Variants in DPP10 observed in about 807,000 individuals in gnomAD.
DPP10 encodes dipeptidyl peptidase like 10.
Under a neutral mutation model 120.9 loss-of-function variants are expected in DPP10, and 33 were observed. The observed-to-expected ratio is 0.27, with a 90% CI of 0.21 to 0.37. DPP10 has a LOEUF of 0.37. DPP10 is among the 10% of genes least tolerant of loss of function. DPP10 has a pLI of 1.00. For synonymous variants in DPP10, 337 were observed against 326.1 expected, an observed-to-expected ratio of 1.03 and a Z score of -0.36; for missense variants, 816 against 942.8, an observed-to-expected ratio of 0.87 and a Z score of 1.76.
chr2:114,501,900 G>C (rs961191806), intron 1 of DPP10, among the ~76,000 whole-genome samples: 1 of 148,746 alleles, frequency 6.7e-6, no homozygotes, highest in African/African-American at 2.5e-5. Flanking sequence ...GTGAGGATAC[G>C]ATTTATATGA....
chr2:115,808,759 G>A (rs945000571), intron 19 of DPP10, among the ~76,000 whole-genome samples: 2 of 152,176 alleles, frequency 1.3e-5, no homozygotes, highest in African/African-American at 4.8e-5. Context: ...AATGGACAAA[G>A]TCTGAGAATA....
chr2:115,497,638 A>AG (rs1558758707), intron 3 of DPP10, among the ~76,000 whole-genome samples: 1 of 151,466 alleles, frequency 6.6e-6, no homozygotes, highest in East Asian at 2.0e-4. Context: ...ATCACAATCA[A>AG]GAAGTGGGCC....
chr2:115,626,170 A>G (rs943893512), intron 5 of DPP10, among the ~76,000 whole-genome samples: 1 of 151,962 alleles, frequency 6.6e-6, no homozygotes, highest in Non-Finnish European at 1.5e-5. Flanking sequence ...CTTGCTTTAT[A>G]TAGTAAACTC....
At chr2:115,043,710 C>T in intron 1 of DPP10, among the ~76,000 whole-genome samples, 1 of 152,004 alleles carries the variant, frequency 6.6e-6, no homozygotes, top group Non-Finnish European at 1.5e-5. Context: ...AAAGAATATC[C>T]CATTGATTTT....
intron 3 of DPP10, among the ~76,000 whole-genome samples, chr2:115,407,811 C>T (rs1018513321): frequency 6.6e-6 from 1 of 151,920 alleles, no homozygotes; most frequent in Non-Finnish European, 1.5e-5. Context: ...ATGACGGGAG[C>T]GTCCCAGAGT....
At chr2:115,784,111 C>T (rs1317968441) in intron 17 of DPP10, among the ~76,000 whole-genome samples, 1 of 152,050 alleles carries the variant, frequency 6.6e-6, no homozygotes, top group Admixed American at 6.6e-5. Flanking sequence ...TGTTATTTTC[C>T]TGTTCAAAAG....
chr2:115,107,783 G>A (rs955408295), intron 1 of DPP10, among the ~76,000 whole-genome samples: 2 of 151,862 alleles, frequency 1.3e-5, no homozygotes, highest in South Asian at 2.1e-4. Context: ...TTACAATTTC[G>A]AAAGACTTAT....
intron 19 of DPP10, among the ~76,000 whole-genome samples, chr2:115,796,557 T>G (rs1177038214): frequency 6.6e-6 from 1 of 152,122 alleles, no homozygotes; most frequent in Non-Finnish European, 1.5e-5. Context: ...TCTGTATGGG[T>G]CCATTTCTCT....
chr2:114,740,261 A>G (rs1318453089), intron 1 of DPP10, among the ~76,000 whole-genome samples: 1 of 151,068 alleles, frequency 6.6e-6, no homozygotes, highest in Admixed American at 6.6e-5. Flanking sequence ...GTAAGGACAA[A>G]AAACCAAACA....
chr2:115,402,641 TAAAAA>T (rs745962407), intron 3 of DPP10, among the ~76,000 whole-genome samples: 13 of 136,898 alleles, frequency 9.5e-5, no homozygotes, highest in African/African-American at 3.5e-4. Flanking sequence ...TGAATCAGTT[TAAAAA>T]AAAAAAAAAG....
At chr2:115,758,501 T>G (rs1679706287) in intron 11 of DPP10, among the ~76,000 whole-genome samples, 1 of 152,132 alleles carries the variant, frequency 6.6e-6, no homozygotes, top group African/African-American at 2.4e-5. Context: ...AAAAAATTAA[T>G]ATTGTTAAGA....
intron 1 of DPP10, among the ~76,000 whole-genome samples, chr2:114,497,133 G>A: frequency 6.8e-6 from 1 of 146,700 alleles, no homozygotes; most frequent in African/African-American, 2.6e-5. Context: ...GTGTATACAT[G>A]TAGGTATACA....
At chr2:115,096,646 A>C (rs1309461800) in intron 1 of DPP10, among the ~76,000 whole-genome samples, 1 of 152,188 alleles carries the variant, frequency 6.6e-6, no homozygotes, top group Non-Finnish European at 1.5e-5. Flanking sequence ...TGATGGGCTT[A>C]TCAGGAGAGA....
intron 1 of DPP10, among the ~76,000 whole-genome samples, chr2:114,477,304 A>G (rs143525999): frequency 1.1e-3 from 160 of 152,188 alleles, no homozygotes; most frequent in Non-Finnish European, 1.2e-3. Flanking sequence ...CTTCTTTGCA[A>G]CATGTTTGTG....
intron 1 of DPP10, among the ~76,000 whole-genome samples, chr2:115,051,791 G>A (rs868411214): frequency 6.6e-6 from 1 of 151,706 alleles, no homozygotes; most frequent in Non-Finnish European, 1.5e-5. Context: ...ATTATGTATT[G>A]TACACCTGAA....
intron 2 of DPP10, among the ~76,000 whole-genome samples, chr2:115,310,761 T>G (rs1009761586): frequency 6.6e-6 from 1 of 152,192 alleles, no homozygotes; most frequent in Non-Finnish European, 1.5e-5. Context: ...GTGTTTCACT[T>G]AAACACAAGA....
chr2:114,942,300 T>TATATATATATATATATATATACAC (rs1696977272), intron 1 of DPP10, among the ~76,000 whole-genome samples: 5 of 110,598 alleles, frequency 4.5e-5, no homozygotes, highest in East Asian at 5.6e-4. Context: ...TATATATACA[T>TATATATATATATATATATATACAC]ATATATATAT....
chr2:115,701,828 T>C (rs2091901156), intron 7 of DPP10, among the ~76,000 whole-genome samples: 1 of 152,022 alleles, frequency 6.6e-6, no homozygotes, highest in Non-Finnish European at 1.5e-5. Flanking sequence ...TCAAAAAATA[T>C]GTAAATGGCC....
At chr2:115,278,866 C>T (rs992659738) in intron 1 of DPP10, among the ~76,000 whole-genome samples, 18 of 151,960 alleles carry the variant, frequency 1.2e-4, no homozygotes, top group Non-Finnish European at 4.4e-5. Flanking sequence ...TAGCAGAAGC[C>T]TTTTTTTGTT....
Sources: gnomAD v4.1 joint callset for allele counts (sites outside exome capture counted in the v4.1 genomes callset) on GRCh38, gnomAD v4.1.1 for gene constraint, MANE v1.5 for transcripts, NCBI Gene and HGNC (gene_info 2026-07-23, HGNC 2026-07-21) for gene names.